The following VPS29 variants were observed in gnomAD, a reference collection of about 807,000 sequenced individuals.
VPS29 encodes the protein vacuolar protein sorting-associated protein 29.
Under a neutral mutation model 20.0 loss-of-function variants are expected in VPS29, and 2 were observed. The observed-to-expected ratio is 0.10, with a 90% CI of 0.04 to 0.31. The LOEUF (loss-of-function observed/expected upper bound fraction) is 0.31. Ranked by LOEUF, VPS29 falls within the 10% of genes least tolerant of loss-of-function variation. VPS29 has a pLI of 1.00. For synonymous variants in VPS29, 81 were observed against 79.3 expected (o/e 1.02, Z -0.12); for missense variants, 120 against 215.3 (o/e 0.56, Z 2.77).
At chr12:110,493,331 A>T in intron 2 of VPS29, 100 bp from the exon 3 acceptor site, 3 of 808,642 alleles carry the variant, frequency 3.7e-6, no homozygotes, top group Non-Finnish European at 5.3e-6. Flanking sequence ...GGATGTTTTG[A>T]TGTAGTACCC....
At chr12:110,497,117 A>T (rs765972475) in intron 1 of VPS29, 1 of 152,128 alleles carries the variant, frequency 6.6e-6, no homozygotes, top group Non-Finnish European at 1.5e-5. Context: ...GAGCTGCAAC[A>T]TAGTCTCAGA....
intron 1 of VPS29, 176 bp downstream of exon 1, chr12:110,501,873 G>A: frequency 6.8e-7 from 1 of 1,460,470 alleles, no homozygotes; most frequent in South Asian, 1.2e-5. Context: ...ACCCAGAGGT[G>A]GCCGCTCCCT....
intron 1 of VPS29, among the ~76,000 whole-genome samples, chr12:110,497,965 A>C (rs1279804099): frequency 6.6e-6 from 1 of 151,214 alleles, no homozygotes; most frequent in African/African-American, 2.4e-5. Context: ...AGGACAACAG[A>C]ATCGATTTTT....
rs1437297999 is a variant in VPS29, at chr12:110,491,999, C to T, written c.*6G>A. ...AAAACCAAAAATCATCAAGACAGGC[C>T]TGGCTTTAAGGTTTTTTGTATTCGA... On this transcript the variant is annotated 3_prime_UTR_variant, in exon 4 of 4. Coordinates refer to ENST00000549578, the MANE Select transcript of VPS29 (RefSeq NM_016226.5). The T allele has an allele frequency of 6.2e-7, 1 of 1,610,198 alleles. No individual in the cohort carries two copies. The highest frequency in any genetic ancestry group is 2.2e-5 in the East Asian group (1 of 44,798).
intron 1 of VPS29, chr12:110,501,599 T>C (rs1408871984): frequency 1.3e-6 from 2 of 1,535,122 alleles, no homozygotes; most frequent in Admixed American, 3.9e-5. Context: ...TTCTGCTCGC[T>C]ACTTCCTGTT....
chr12:110,493,207 C>T lies in VPS29; in HGVS notation c.220G>A (p.Val74Ile). 6.5e-7 allele frequency: 1 copy of T among 1,550,304 alleles called. No individual in the cohort carries two copies. The highest frequency in any genetic ancestry group is 8.7e-7 in the Non-Finnish European group (1 of 1,148,200). ...DENLNYPEQK[V>I]VTVGQFKIGL... is the part of the protein sequence containing the mutation. ...ATTTTGAACTGTCCAACAGTCACAA[C>T]TTTCTGTTCTGGATAATTCAGATTC... The change falls in exon 3 of 4, where the codon GTT becomes ATT. Residue 74 changes from valine (V) to isoleucine (I), a missense_variant. Transcript: ENST00000549578.
At chr12:110,501,065 C>T (rs1009991368) in intron 1 of VPS29, among the ~76,000 whole-genome samples, 2 of 152,058 alleles carry the variant, frequency 1.3e-5, no homozygotes, top group African/African-American at 4.8e-5. Flanking sequence ...CCTGTAATCC[C>T]AGCTACTCGG....
At chr12:110,498,242 G>T (rs1216785840) in intron 1 of VPS29, among the ~76,000 whole-genome samples, 2 of 152,144 alleles carry the variant, frequency 1.3e-5, no homozygotes, top group African/African-American at 4.8e-5. Flanking sequence ...AAACTGCTAG[G>T]ATTATAGGCG....
intron 1 of VPS29, chr12:110,499,640 C>CAA (rs376108608): frequency 7.5e-4 from 480 of 640,202 alleles, no homozygotes; most frequent in South Asian, 1.4e-3. Flanking sequence ...AAAAAGAAAC[C>CAA]AAAAAAAAAA....
In VPS29 at chr12:110,496,099, G is replaced by A; in HGVS notation, c.108C>T (p.Cys36=). 1 of 1,614,062 alleles carries A rather than the reference G, an allele frequency of 6.2e-7. No homozygotes were observed. Among genetic ancestry groups the A allele is most frequent in the Non-Finnish European group, 8.5e-7 (1 of 1,179,942 alleles). ...TCTCTTTGGTGCAAAGGTTTCCTGT[G>A]CAGAGAATGTGCTGAATTTTTCCTG... is the stretch of plus-strand genomic sequence containing the variant. The part of the protein sequence containing the change: ...LVPGKIQHIL[C]TGNLCTKESY... The change falls in exon 2 of 4, where the codon TGC becomes TGT. Residue 36 remains cysteine (C), a synonymous_variant. Transcript: ENST00000549578.
chr12:110,501,843 A>G, intron 1 of VPS29: 1 of 1,313,716 alleles, frequency 7.6e-7, no homozygotes, highest in Non-Finnish European at 1.1e-6. Flanking sequence ...GGGCCGGGAT[A>G]CGAGACCTAG....
chr12:110,497,902 A>G (rs1430482292), intron 1 of VPS29, among the ~76,000 whole-genome samples: 1 of 151,798 alleles, frequency 6.6e-6, no homozygotes. Context: ...TGGGCAGCAG[A>G]GTGAGACTCT....
At chr12:110,496,468 TC>T in intron 1 of VPS29, 1 of 279,980 alleles carries the variant, frequency 3.6e-6, no homozygotes, top group Non-Finnish European at 6.7e-6. Context: ...TGTACTTTGT[TC>T]TAAATCAATC....
chr12:110,495,320 C>G (rs1371582306), intron 2 of VPS29, among the ~76,000 whole-genome samples: 2 of 152,062 alleles, frequency 1.3e-5, no homozygotes, highest in Non-Finnish European at 1.5e-5. Context: ...CTGGAAGGAG[C>G]AAGGGTAGAA....
intron 2 of VPS29, among the ~76,000 whole-genome samples, chr12:110,494,936 G>A (rs1286850576): frequency 6.6e-6 from 1 of 151,832 alleles, no homozygotes; most frequent in Non-Finnish European, 1.5e-5. Flanking sequence ...CAGCCAGGAT[G>A]GTCTTGATCT....
chr12:110,497,770 G>A (rs1281898815), intron 1 of VPS29, among the ~76,000 whole-genome samples: 2 of 151,254 alleles, frequency 1.3e-5, no homozygotes, highest in Admixed American at 6.6e-5. Flanking sequence ...GGTGGCAGGC[G>A]CCTGTAATCC....
chr12:110,501,780 G>C lies in VPS29; in HGVS notation c.3+269C>G, dbSNP rs1202218099. 2.8e-6 allele frequency: 3 copies of C among 1,081,836 alleles called. No homozygotes were observed. In the Admixed American group the frequency reaches 5.9e-5, roughly 21 times the overall value. The allele number at this position is 1,081,836 out of a possible 1,614,324, so 67.0% of individuals were successfully genotyped here. ...GCTCGGGCGTGCGTGTCTCGTGACA[G>C]GTCGGGCTGCTAGAGGGGCCTTTTT... On this transcript the variant is annotated intron_variant, in intron 1 of 3. Coordinates refer to ENST00000549578, the MANE Select transcript of VPS29 (RefSeq NM_016226.5).
intron 2 of VPS29, among the ~76,000 whole-genome samples, chr12:110,494,075 C>G (rs2135572068): frequency 6.6e-6 from 1 of 152,052 alleles, no homozygotes; most frequent in Non-Finnish European, 1.5e-5. Flanking sequence ...GGTTGTTTGT[C>G]CTTTCATCTC....
intron 1 of VPS29, among the ~76,000 whole-genome samples, chr12:110,497,601 ATCTG>A (rs2062929330): frequency 6.6e-6 from 1 of 151,822 alleles, no homozygotes. Flanking sequence ...TAAAAATAGT[ATCTG>A]TCTGGCTGAG....
Sources: gnomAD v4.1 joint callset for allele counts (sites outside exome capture counted in the v4.1 genomes callset) on GRCh38, gnomAD v4.1.1 for gene constraint, MANE v1.5 for transcripts, NCBI Gene and HGNC (gene_info 2026-07-23, HGNC 2026-07-21) for gene names.